Variants in SFRP1 observed in about 807,000 individuals in gnomAD.
The protein encoded by SFRP1 is secreted frizzled-related protein 1.
SFRP1 carries 9 observed loss-of-function variants against 25.9 expected under a neutral mutation model. That is an observed-to-expected ratio of 0.35 (90% CI 0.21 to 0.61). The LOEUF (loss-of-function observed/expected upper bound fraction) is 0.61, where lower values mean the gene tolerates loss of function less well. Ranked by LOEUF, SFRP1 falls within the 20% of genes least tolerant of loss-of-function variation. The pLI is 0.78. For missense variants in SFRP1, 346 were observed against 418.2 expected, an observed-to-expected ratio of 0.83 and a Z score of 1.51; for synonymous variants, 178 against 174.0, an observed-to-expected ratio of 1.02 and a Z score of -0.18.
At chr8:41,282,597 T>C (rs1803647252) in intron 2 of SFRP1, among the ~76,000 whole-genome samples, 1 of 151,854 alleles carries the variant, frequency 6.6e-6, no homozygotes, top group East Asian at 1.9e-4. Flanking sequence ...AAAATAAAAT[T>C]TTAAATAAAA....
intron 2 of SFRP1, among the ~76,000 whole-genome samples, chr8:41,301,465 A>T (rs10090158): frequency 0.44 from 66,440 of 151,860 alleles, 15,043 homozygotes; most frequent in Middle Eastern, 0.59. Context: ...AAATCCCTAT[A>T]TATTGTTTTA....
intron 2 of SFRP1, among the ~76,000 whole-genome samples, chr8:41,277,408 C>T (rs1803585004): frequency 6.6e-6 from 1 of 152,160 alleles, no homozygotes; most frequent in Non-Finnish European, 1.5e-5. Flanking sequence ...GGTGTTTGCC[C>T]AAATGGCAAG....
Position 41,262,142 on chromosome 8 carries a change from A to G in SFRP1, c.*3025T>C, listed in dbSNP as rs1367202287. On this transcript the variant is annotated 3_prime_UTR_variant, in exon 3 of 3. Transcript: ENST00000220772. ...AATGTAAAACATTTTCACAGTATTC[A>G]AAGCTTTTGTAAGAGACTTAGGATC... 6.6e-6 allele frequency: 1 copy of G among 152,540 alleles called. No individual in the cohort carries two copies. Among genetic ancestry groups the G allele is most frequent in the East Asian group, 1.9e-4 (1 of 5,202 alleles). The allele number at this position is 152,540 out of a possible 1,614,324, so 9.4% of individuals were successfully genotyped here.
In SFRP1 at chr8:41,265,417, G is replaced by T. The variant is rs769227722; in HGVS notation, c.695C>A (p.Pro232His). 1.9e-6 allele frequency: 3 copies of T among 1,612,332 alleles called. No homozygotes were observed. Among genetic ancestry groups the T allele is most frequent in the South Asian group, 2.2e-5 (2 of 90,502 alleles). The change falls in exon 3 of 3, where the codon CCC becomes CAC. Residue 232 changes from proline (P) to histidine (H), a missense_variant. Physicochemically the swap from Pro to His is moderately conservative, Grantham distance 77. Coordinates refer to ENST00000220772, the MANE Select transcript of SFRP1 (RefSeq NM_003012.5). ...DKKIVPKKKKPLKLGPIKKKD... is the reference protein window; with the variant it reads ...DKKIVPKKKKHLKLGPIKKKD... ...CTTCTTGATGGGCCCCAACTTCAGG[G>T]GCTTCTTCTTCTTGGGGACAATCTT... is the stretch of plus-strand genomic sequence containing the variant.
intron 2 of SFRP1, among the ~76,000 whole-genome samples, chr8:41,282,512 C>T (rs1490535548): frequency 6.7e-6 from 1 of 149,588 alleles, no homozygotes. Flanking sequence ...GACCCTGCCT[C>T]CAAAAACACA....
chr8:41,303,222 C>T (rs1373638769), intron 2 of SFRP1, among the ~76,000 whole-genome samples: 1 of 151,920 alleles, frequency 6.6e-6, no homozygotes, highest in Admixed American at 6.6e-5. Context: ...AGAGAAGATG[C>T]CCAAAAATCT....
At chr8:41,305,091 T>C (rs1803976503) in intron 1 of SFRP1, among the ~76,000 whole-genome samples, 1 of 152,116 alleles carries the variant, frequency 6.6e-6, no homozygotes, top group African/African-American at 2.4e-5. Context: ...AAAGGAAGTG[T>C]GACAATATGG....
At chr8:41,291,520 A>G (rs1803779312) in intron 2 of SFRP1, among the ~76,000 whole-genome samples, 1 of 152,144 alleles carries the variant, frequency 6.6e-6, no homozygotes, top group African/African-American at 2.4e-5. Flanking sequence ...GGAGGACAGC[A>G]CAGGGTCTCT....
At chr8:41,297,399 A>C (rs1803856995) in intron 2 of SFRP1, among the ~76,000 whole-genome samples, 1 of 152,140 alleles carries the variant, frequency 6.6e-6, no homozygotes, top group South Asian at 2.1e-4. Context: ...TCTTCAGTTT[A>C]ATCCTCCATT....
In SFRP1 at chr8:41,262,810, C is replaced by T. The variant is rs1319139760; in HGVS notation, c.*2357G>A. 1 of 152,148 alleles carries T rather than the reference C, an allele frequency of 6.6e-6. No individual in the cohort carries two copies. Among genetic ancestry groups the T allele is most frequent in the Non-Finnish European group, 1.5e-5 (1 of 68,034 alleles). The allele number at this position is 152,148 out of a possible 1,614,324, so 9.4% of individuals were successfully genotyped here. A position where few individuals can be genotyped will look rare whatever the true frequency, so the allele number is the denominator to read the frequency against. On this transcript the variant is annotated 3_prime_UTR_variant, in exon 3 of 3. Transcript: ENST00000220772. ...CAGCTCTGTGCCTACAGAGAGCCTC[C>T]CTTTTGGTTCTGAAATTGCTGATGT...
intron 1 of SFRP1, among the ~76,000 whole-genome samples, chr8:41,307,379 T>C (rs1804011473): frequency 6.6e-6 from 1 of 152,176 alleles, no homozygotes; most frequent in African/African-American, 2.4e-5. Context: ...ATCTAAAATT[T>C]GGGGTATCCC....
intron 2 of SFRP1, among the ~76,000 whole-genome samples, chr8:41,288,530 CAAAAAAAAAAAAAA>C (rs397893046): frequency 3.6e-4 from 14 of 39,110 alleles, no homozygotes; most frequent in East Asian, 1.3e-3. Context: ...AGACCCTGTC[CAAAAAAAAAAAAAA>C]AAAAAAAAAA....
At chr8:41,282,531 G>A (rs193083923) in intron 2 of SFRP1, among the ~76,000 whole-genome samples, 40 of 151,574 alleles carry the variant, frequency 2.6e-4, no homozygotes, top group Admixed American at 2.2e-3. Context: ...CACAAAAAAT[G>A]CTTGTTTGGA....
At chr8:41,300,520 C>G (rs1308641506) in intron 2 of SFRP1, among the ~76,000 whole-genome samples, 1 of 152,138 alleles carries the variant, frequency 6.6e-6, no homozygotes, top group African/African-American at 2.4e-5. Context: ...GGAAAGCTTA[C>G]GGGTGTTTAC....
Position 41,264,826 on chromosome 8 carries a change from C to T in SFRP1, c.*341G>A. 1 of 238,588 alleles carries T rather than the reference C, an allele frequency of 4.2e-6. No homozygotes were observed. The highest frequency in any genetic ancestry group is 8.1e-6 in the Non-Finnish European group (1 of 124,114). The allele number at this position is 238,588 out of a possible 1,614,324, so 14.8% of individuals were successfully genotyped here. ...AAATGTAGTTTTTGCTGCTGGCTCT[C>T]ACTTTCCGCCCAATCCCCCTTTTTG... On this transcript the variant is annotated 3_prime_UTR_variant, in exon 3 of 3. Transcript: ENST00000220772.
chr8:41,293,940 T>C (rs559291282), intron 2 of SFRP1, among the ~76,000 whole-genome samples: 2 of 151,854 alleles, frequency 1.3e-5, no homozygotes, highest in East Asian at 3.9e-4. Context: ...TTTTTTTTTT[T>C]TTTAGAGACA....
chr8:41,308,564 C>G, intron 1 of SFRP1, 52 bp downstream of exon 1: 1 of 1,437,594 alleles, frequency 7.0e-7, no homozygotes, highest in South Asian at 1.3e-5. Flanking sequence ...CCTGCAGCTC[C>G]GGCCGGGGGA....
intron 2 of SFRP1, among the ~76,000 whole-genome samples, chr8:41,273,334 A>G (rs190840795): frequency 6.6e-6 from 1 of 152,236 alleles, no homozygotes; most frequent in East Asian, 1.9e-4. Flanking sequence ...TACTAAAAAT[A>G]CAAACACTTA....
At chr8:41,267,296 G>T (rs1803446617) in intron 2 of SFRP1, among the ~76,000 whole-genome samples, 1 of 152,212 alleles carries the variant, frequency 6.6e-6, no homozygotes, top group Admixed American at 6.5e-5. Flanking sequence ...GCCACATCCT[G>T]TAGCAATGAC....
Sources: gnomAD v4.1 joint callset for allele counts (sites outside exome capture counted in the v4.1 genomes callset) on GRCh38, gnomAD v4.1.1 for gene constraint, MANE v1.5 for transcripts, NCBI Gene and HGNC (gene_info 2026-07-23, HGNC 2026-07-21) for gene names.